ZMAT4: variants seen among roughly 807,000 people sequenced by gnomAD.
ZMAT4 encodes zinc finger matrin-type protein 4.
A neutral mutation model predicts 28.7 loss-of-function variants in ZMAT4; 17 were observed. The ratio of observed to expected loss-of-function variants is 0.59; its 90% confidence interval spans 0.41 to 0.89. The LOEUF (loss-of-function observed/expected upper bound fraction) is 0.89, where lower values mean the gene tolerates loss of function less well. Ranked by LOEUF, ZMAT4 falls within the 40% of genes least tolerant of loss-of-function variation. The pLI is 0.00. For missense variants in ZMAT4, 240 were observed against 283.8 expected, an observed-to-expected ratio of 0.85 and a Z score of 1.11; for synonymous variants, 117 against 109.2, an observed-to-expected ratio of 1.07 and a Z score of -0.44.
intron 1 of ZMAT4, among the ~76,000 whole-genome samples, chr8:40,845,256 C>T (rs927939670): frequency 2.3e-4 from 35 of 152,072 alleles, no homozygotes; most frequent in Non-Finnish European, 1.5e-4. Flanking sequence ...TCAATATGGC[C>T]AAACAGCTCC....
chr8:40,670,067 C>T (rs1300324629), intron 5 of ZMAT4, among the ~76,000 whole-genome samples: 3 of 152,052 alleles, frequency 2.0e-5, no homozygotes, highest in African/African-American at 7.2e-5. Context: ...TTTATATAGA[C>T]ATTTAAAGGA....
chr8:40,816,377 T>G (rs1419604126), intron 2 of ZMAT4, among the ~76,000 whole-genome samples: 1 of 152,102 alleles, frequency 6.6e-6, no homozygotes, highest in Non-Finnish European at 1.5e-5. Flanking sequence ...ATGACTATAA[T>G]GTAAGGAAGA....
chr8:40,604,714 T>C (rs894720144), intron 5 of ZMAT4, among the ~76,000 whole-genome samples: 3 of 152,220 alleles, frequency 2.0e-5, no homozygotes, highest in African/African-American at 7.2e-5. Context: ...TTGGCTTTGC[T>C]ATCAGGGTGA....
intron 5 of ZMAT4, among the ~76,000 whole-genome samples, chr8:40,642,599 C>T (rs990416807): frequency 6.6e-6 from 1 of 152,196 alleles, no homozygotes; most frequent in African/African-American, 2.4e-5. Context: ...TATGTTCTTC[C>T]TTCATAAGAA....
At chr8:40,807,138 CA>C (rs34726845) in intron 2 of ZMAT4, among the ~76,000 whole-genome samples, 289 of 90,246 alleles carry the variant, frequency 3.2e-3, no homozygotes, top group African/African-American at 9.5e-3. Context: ...GGGGTGAGGA[CA>C]AAAAAAAAAA....
chr8:40,883,667 G>A lies in ZMAT4; in HGVS notation c.-5+14016C>T, dbSNP rs561165399. ...TTTTAAAAACAAAGCAAGAGATCTC[G>A]AAAGCAAAAAGCTTTAGGAGGAGAG... is the stretch of plus-strand genomic sequence containing the variant. On this transcript the variant is annotated intron_variant, in intron 1 of 6. Coordinates refer to ENST00000297737, the MANE Select transcript of ZMAT4 (RefSeq NM_024645.3). Among the ~76,000 whole-genome samples the A allele has an allele frequency of 1.2e-4, 19 of 152,094 alleles. 1 individual carries two copies. Among genetic ancestry groups the A allele is most frequent in the Non-Finnish European group, 2.6e-4 (18 of 68,022 alleles).
chr8:40,673,861 A>C (rs1808789854), intron 5 of ZMAT4, among the ~76,000 whole-genome samples: 1 of 152,110 alleles, frequency 6.6e-6, no homozygotes, highest in South Asian at 2.1e-4. Context: ...AGCTGTCAAG[A>C]AAACCCTGTC....
intron 3 of ZMAT4, among the ~76,000 whole-genome samples, chr8:40,727,990 T>A (rs1414734545): frequency 6.6e-6 from 1 of 152,024 alleles, no homozygotes; most frequent in African/African-American, 2.4e-5. Context: ...CAAAAATAGG[T>A]AGTTATGGGA....
At chr8:40,711,885 G>A (rs1434427765) in intron 3 of ZMAT4, among the ~76,000 whole-genome samples, 1 of 152,162 alleles carries the variant, frequency 6.6e-6, no homozygotes, top group Non-Finnish European at 1.5e-5. Flanking sequence ...AACCTGGGTA[G>A]TGGTTATAAT....
Position 40,697,351 on chromosome 8 carries a change from G to A in ZMAT4, c.243C>T (p.Asn81=), listed in dbSNP as rs1295001795. 2 of 1,613,678 alleles carry A rather than the reference G, an allele frequency of 1.2e-6. No individual in the cohort carries two copies. Among genetic ancestry groups the A allele is most frequent in the African/African-American group, 2.7e-5 (2 of 74,910 alleles). The change falls in exon 4 of 7, where the codon AAC becomes AAT. Residue 81 remains asparagine (N), a synonymous_variant. Transcript: ENST00000297737. ...VDKNKCCTLC[N]MSFTSAVVAD... Reference sequence around the variant, plus strand: ...CCACCACCGCTGAAGTGAATGACATGTTGCAGAGTGTGCAGCACTTGTTCT... The same window carrying A: ...CCACCACCGCTGAAGTGAATGACATATTGCAGAGTGTGCAGCACTTGTTCT...
At chr8:40,781,789 A>AAAAAAAAAAAAAC (rs1563480296) in intron 2 of ZMAT4, among the ~76,000 whole-genome samples, 7 of 147,848 alleles carry the variant, frequency 4.7e-5, no homozygotes, top group African/African-American at 1.8e-4. Context: ...AAAAAAAAAA[A>AAAAAAAAAAAAAC]AAGAAAAGAA....
At chr8:40,589,809 C>A (rs1804812663) in intron 5 of ZMAT4, among the ~76,000 whole-genome samples, 1 of 124,602 alleles carries the variant, frequency 8.0e-6, no homozygotes. Context: ...TTTGTCTTTC[C>A]TTTCTTTTTT....
At chr8:40,750,223 C>T (rs962682508) in intron 3 of ZMAT4, among the ~76,000 whole-genome samples, 5 of 151,956 alleles carry the variant, frequency 3.3e-5, no homozygotes, top group Non-Finnish European at 7.4e-5. Context: ...TATATATATT[C>T]TTAATACATG....
chr8:40,638,197 G>A (rs956474037), intron 5 of ZMAT4, among the ~76,000 whole-genome samples: 6 of 152,164 alleles, frequency 3.9e-5, no homozygotes, highest in Non-Finnish European at 8.8e-5. Context: ...TCAAAATGGT[G>A]AAAAGAGTAG....
chr8:40,741,995 T>C (rs1225642066), intron 3 of ZMAT4, among the ~76,000 whole-genome samples: 1 of 152,098 alleles, frequency 6.6e-6, no homozygotes, highest in Non-Finnish European at 1.5e-5. Flanking sequence ...TCCCAATACT[T>C]TGAGAGGCTG....
chr8:40,835,944 T>C (rs530285756), intron 1 of ZMAT4, among the ~76,000 whole-genome samples: 10 of 152,278 alleles, frequency 6.6e-5, no homozygotes, highest in African/African-American at 1.9e-4. Flanking sequence ...GTAGAGTCCA[T>C]GTAAAAGTAT....
At chr8:40,638,903 G>A (rs939486096) in intron 5 of ZMAT4, among the ~76,000 whole-genome samples, 1 of 152,256 alleles carries the variant, frequency 6.6e-6, no homozygotes, top group African/African-American at 2.4e-5. Context: ...AAAAGCTTTT[G>A]TGAGTTTACG....
At chr8:40,746,799 G>A (rs1325857562) in intron 3 of ZMAT4, among the ~76,000 whole-genome samples, 1 of 152,154 alleles carries the variant, frequency 6.6e-6, no homozygotes, top group African/African-American at 2.4e-5. Flanking sequence ...ACGACATCCT[G>A]CTTTGTTCTG....
At chr8:40,571,301 C>A (rs1804089835) in intron 6 of ZMAT4, among the ~76,000 whole-genome samples, 1 of 5,550 alleles carries the variant, frequency 1.8e-4, no homozygotes, top group Non-Finnish European at 7.2e-3. Flanking sequence ...CATGCAAGTG[C>A]AACTTAGAAA....
Sources: gnomAD v4.1 joint callset for allele counts (sites outside exome capture counted in the v4.1 genomes callset) on GRCh38, gnomAD v4.1.1 for gene constraint, MANE v1.5 for transcripts, NCBI Gene and HGNC (gene_info 2026-07-23, HGNC 2026-07-21) for gene names.